Variants in SH3KBP1 observed in about 807,000 individuals in gnomAD.
SH3KBP1 encodes the protein SH3 domain containing kinase binding protein 1.
Under a neutral mutation model 50.1 loss-of-function variants are expected in SH3KBP1, and 8 were observed. The observed-to-expected ratio is 0.16, with a 90% CI of 0.09 to 0.29. The LOEUF (loss-of-function observed/expected upper bound fraction) is 0.29. Ranked by LOEUF, SH3KBP1 falls within the 10% of genes least tolerant of loss-of-function variation. SH3KBP1 has a pLI of 1.00. For missense variants in SH3KBP1, 377 were observed against 535.2 expected, an observed-to-expected ratio of 0.70 and a Z score of 2.92; for synonymous variants, 227 against 218.6, an observed-to-expected ratio of 1.04 and a Z score of -0.34.
intron 14 of SH3KBP1, among the ~76,000 whole-genome samples, chrX:19,546,321 G>A (rs1209831259): frequency 1.8e-5 from 2 of 111,893 alleles, no homozygotes; most frequent in African/African-American, 6.5e-5. Context: ...AGCATCCATC[G>A]TCCATCCTTT....
At chrX:19,652,807 C>A (rs894191256) in intron 6 of SH3KBP1, among the ~76,000 whole-genome samples, 2 of 111,536 alleles carry the variant, frequency 1.8e-5, no homozygotes, top group Non-Finnish European at 3.8e-5. Context: ...TCCTAAAATT[C>A]TCTTGCCTAT....
chrX:19,593,471 T>C (rs891307724), intron 10 of SH3KBP1, among the ~76,000 whole-genome samples: 1 of 110,749 alleles, frequency 9.0e-6, no homozygotes, highest in Non-Finnish European at 1.9e-5. Context: ...AGGGAGAAAA[T>C]ATGAATATCT....
chrX:19,558,071 A>G (rs1049475977), intron 13 of SH3KBP1, among the ~76,000 whole-genome samples: 1 of 112,085 alleles, frequency 8.9e-6, no homozygotes, highest in Non-Finnish European at 1.9e-5. Context: ...ATTGCTCACT[A>G]CAGGCCCAAA....
At chrX:19,739,694 T>TA (rs900314620) in intron 3 of SH3KBP1, among the ~76,000 whole-genome samples, 5 of 110,158 alleles carry the variant, frequency 4.5e-5, no homozygotes, top group Admixed American at 9.7e-5. Flanking sequence ...GCAAAAGGGC[T>TA]AAAAAAATCC....
rs1390741108 is a variant in SH3KBP1 at position 19,535,571 on chromosome X, A to G, written c.*846T>C. ...ACAACCTAAAACTAGGAGAAATAGAAAAGTCACAGCTGGTACCACAGAGCA... is the reference window on the plus strand; with the variant it reads ...ACAACCTAAAACTAGGAGAAATAGAGAAGTCACAGCTGGTACCACAGAGCA... On this transcript the variant is annotated 3_prime_UTR_variant, in exon 18 of 18. Coordinates refer to ENST00000397821, the MANE Select transcript of SH3KBP1 (RefSeq NM_031892.3). 1 of 112,212 alleles carries G rather than the reference A, an allele frequency of 8.9e-6. No homozygotes were observed. Among genetic ancestry groups the G allele is most frequent in the Non-Finnish European group, 1.9e-5 (1 of 53,246 alleles). 9.2% of individuals were successfully genotyped at this position (112,212 alleles called of 1,213,427 possible).
chrX:19,609,434 A>C (rs1187826345), intron 8 of SH3KBP1, among the ~76,000 whole-genome samples: 2 of 112,267 alleles, frequency 1.8e-5, no homozygotes, highest in Non-Finnish European at 1.9e-5. Context: ...GTCCTATAGC[A>C]GACTCCCAAG....
At chrX:19,734,259 T>A in intron 3 of SH3KBP1, among the ~76,000 whole-genome samples, 1 of 111,953 alleles carries the variant, frequency 8.9e-6, no homozygotes, top group East Asian at 2.8e-4. Context: ...CCTTCTCAAA[T>A]CGATTATCTA....
At chrX:19,565,051 ATTTTTTTTTT>A (rs59323105) in intron 13 of SH3KBP1, among the ~76,000 whole-genome samples, 1 of 66,530 alleles carries the variant, frequency 1.5e-5, no homozygotes, top group African/African-American at 7.5e-5. Context: ...TTCAACTCCA[ATTTTTTTTTT>A]TTTTTTTTTT....
chrX:19,826,810 C>G (rs1426795880), intron 2 of SH3KBP1, among the ~76,000 whole-genome samples: 1 of 111,434 alleles, frequency 9.0e-6, no homozygotes, highest in East Asian at 2.8e-4. Context: ...AAACAATCAT[C>G]CATATAATTC....
At chrX:19,828,342 T>A (rs781049455) in intron 2 of SH3KBP1, among the ~76,000 whole-genome samples, 3 of 111,509 alleles carry the variant, frequency 2.7e-5, no homozygotes, top group Middle Eastern at 4.6e-3. Context: ...TTAAATAAGT[T>A]CAACGAAACT....
At chrX:19,833,329 C>T (rs2067963096) in intron 2 of SH3KBP1, among the ~76,000 whole-genome samples, 1 of 103,477 alleles carries the variant, frequency 9.7e-6, no homozygotes. Context: ...TTCCCACATT[C>T]TTCCTTCCTT....
chrX:19,828,217 A>G (rs1244494563), intron 2 of SH3KBP1, among the ~76,000 whole-genome samples: 1 of 110,460 alleles, frequency 9.1e-6, no homozygotes, highest in Non-Finnish European at 1.9e-5. Context: ...ACCAGTTTTG[A>G]ACCTAACTTA....
chrX:19,887,115 G>C (rs1319883480), intron 1 of SH3KBP1, among the ~76,000 whole-genome samples, 192 bp downstream of exon 1: 11 of 111,326 alleles, frequency 9.9e-5, no homozygotes, highest in African/African-American at 3.3e-4. Context: ...TCGGCGCCGC[G>C]CGCGGGCTCG....
intron 2 of SH3KBP1, among the ~76,000 whole-genome samples, chrX:19,796,338 T>C (rs2066714519): frequency 1.8e-5 from 2 of 111,806 alleles, no homozygotes; most frequent in African/African-American, 3.3e-5. Context: ...ATCTCTAAAA[T>C]GGTGGTAAAA....
rs769457786 is a variant in SH3KBP1, at chrX:19,725,578, A to G, written c.287-18594T>C. On this transcript the variant is annotated intron_variant, in intron 3 of 17. Coordinates refer to ENST00000397821, the MANE Select transcript of SH3KBP1 (RefSeq NM_031892.3). Reference sequence around the variant, plus strand: ...CATAGGGACAGTTGGGGACACAGTGACTGTCTCCCATCTGCCACTCCACCA... The same window carrying G: ...CATAGGGACAGTTGGGGACACAGTGGCTGTCTCCCATCTGCCACTCCACCA... Among the ~76,000 whole-genome samples, 3 of 112,120 alleles carry G rather than the reference A, an allele frequency of 2.7e-5. No homozygotes were observed. The East Asian group carries it at 8.4e-4, about 31-fold the overall frequency.
At chrX:19,825,601 C>T (rs978265493) in intron 2 of SH3KBP1, among the ~76,000 whole-genome samples, 3 of 110,942 alleles carry the variant, frequency 2.7e-5, no homozygotes, top group Non-Finnish European at 5.7e-5. Context: ...GGGCTGGGCA[C>T]GGTGGTTCAT....
intron 2 of SH3KBP1, among the ~76,000 whole-genome samples, chrX:19,771,303 A>G (rs1025443084): frequency 8.9e-6 from 1 of 112,079 alleles, no homozygotes; most frequent in Non-Finnish European, 1.9e-5. Flanking sequence ...GCTATTAACA[A>G]TTGGGGCAGT....
chrX:19,713,058 A>G (rs2063817303), intron 3 of SH3KBP1, among the ~76,000 whole-genome samples: 1 of 109,412 alleles, frequency 9.1e-6, no homozygotes, highest in African/African-American at 3.3e-5. Flanking sequence ...CCCTGTCTCT[A>G]CTAAAAATAC....
chrX:19,762,438 C>T (rs775882959), intron 2 of SH3KBP1, among the ~76,000 whole-genome samples: 1 of 110,220 alleles, frequency 9.1e-6, no homozygotes, highest in Non-Finnish European at 1.9e-5. Flanking sequence ...TCTACTAGAT[C>T]AGCTGACACC....
Sources: gnomAD v4.1 joint callset for allele counts (sites outside exome capture counted in the v4.1 genomes callset) on GRCh38, gnomAD v4.1.1 for gene constraint, MANE v1.5 for transcripts, NCBI Gene and HGNC (gene_info 2026-07-23, HGNC 2026-07-21) for gene names.